Variants in CCDC3 observed in about 807,000 individuals in gnomAD.
CCDC3 encodes coiled-coil domain containing 3, also known as coiled-coil domain-containing protein 3.
CCDC3 carries 24 observed loss-of-function variants against 21.4 expected under a neutral mutation model. The ratio of observed to expected loss-of-function variants is 1.12; its 90% CI spans 0.81 to 1.58. CCDC3 has a LOEUF of 1.58. Ranked by LOEUF, CCDC3 falls within the 40% of genes most tolerant of loss-of-function variation. CCDC3 has a pLI of 0.00. For synonymous variants in CCDC3, 186 were observed against 166.0 expected, an observed-to-expected ratio of 1.12 and a Z score of -0.93; for missense variants, 425 against 360.9, an observed-to-expected ratio of 1.18 and a Z score of -1.44.
chr10:13,098,154 G>A (rs1452821825), intron 3 of CCDC3, among the ~76,000 whole-genome samples: 1 of 151,916 alleles, frequency 6.6e-6, no homozygotes, highest in African/African-American at 2.4e-5. Flanking sequence ...ACCACTGAGA[G>A]CAAGGAATCA....
At position 12,923,879 on chromosome 10, in the gene CCDC3, G is replaced by A. The variant is rs117510427; in HGVS notation, c.550-25200C>T. 2.3e-3 allele frequency among the ~76,000 whole-genome samples: 350 copies of A among 152,180 alleles called. 1 individual carries two copies. Among genetic ancestry groups the A allele is most frequent in the African/African-American group, 7.8e-3 (322 of 41,514 alleles). On this transcript the variant is annotated intron_variant, in intron 2 of 2. Coordinates refer to ENST00000378825, the MANE Select transcript of CCDC3 (RefSeq NM_031455.4). ...TGTCATGTGTATCTTTGCAAATATCGATAAGGACATCTGAACTCGACACTC... is the reference window on the plus strand; with the variant it reads ...TGTCATGTGTATCTTTGCAAATATCAATAAGGACATCTGAACTCGACACTC...
intron 5 of CCDC3, among the ~76,000 whole-genome samples, chr10:13,027,071 G>C (rs192812820): frequency 6.6e-6 from 1 of 152,238 alleles, no homozygotes; most frequent in East Asian, 1.9e-4. Flanking sequence ...CTTTGTAAAG[G>C]ACCTGTCAAC....
intron 2 of CCDC3, among the ~76,000 whole-genome samples, chr10:12,924,476 C>A (rs574664877): frequency 2.6e-5 from 4 of 152,222 alleles, no homozygotes; most frequent in Admixed American, 2.6e-4. Context: ...CAATATGTCA[C>A]GTTTCACTCA....
intron 3 of CCDC3, among the ~76,000 whole-genome samples, chr10:13,091,338 G>T (rs762856574): frequency 6.6e-6 from 1 of 152,136 alleles, no homozygotes; most frequent in African/African-American, 2.4e-5. Flanking sequence ...TGAGAGGAGA[G>T]CCCTCACAAA....
chr10:13,038,864 A>G (rs1400199289), intron 5 of CCDC3, among the ~76,000 whole-genome samples: 1 of 152,164 alleles, frequency 6.6e-6, no homozygotes, highest in Admixed American at 6.5e-5. Flanking sequence ...ATCCTGCAGC[A>G]CTTATGTCTC....
At chr10:12,934,807 TTATC>T (rs76632390) in intron 2 of CCDC3, among the ~76,000 whole-genome samples, 7,041 of 152,228 alleles carry the variant, frequency 0.046, 197 homozygotes, top group Non-Finnish European at 0.07. Flanking sequence ...CTGCGTCCCT[TTATC>T]TATTTGAGAC....
chr10:12,944,162 T>C (rs908010246), intron 2 of CCDC3, among the ~76,000 whole-genome samples: 20 of 152,172 alleles, frequency 1.3e-4, no homozygotes, highest in African/African-American at 3.6e-4. Context: ...CTTTGACATA[T>C]TCCAAAATGG....
At chr10:13,034,285 T>A (rs1193247411) in intron 5 of CCDC3, among the ~76,000 whole-genome samples, 1 of 130,836 alleles carries the variant, frequency 7.6e-6, no homozygotes, top group Non-Finnish European at 1.5e-5. Flanking sequence ...AGGTGGGAAT[T>A]GAACAATGAG....
At chr10:13,068,457 T>G (rs1168343223) in intron 4 of CCDC3, among the ~76,000 whole-genome samples, 1 of 152,208 alleles carries the variant, frequency 6.6e-6, no homozygotes, top group Non-Finnish European at 1.5e-5. Context: ...TCAGTTCACA[T>G]GACTTTAATC....
At chr10:13,069,997 T>C (rs2131438948) in intron 4 of CCDC3, among the ~76,000 whole-genome samples, 1 of 152,310 alleles carries the variant, frequency 6.6e-6, no homozygotes, top group Middle Eastern at 3.4e-3. Flanking sequence ...GATTGTGACA[T>C]TATTCCAAAG....
chr10:12,987,225 G>A (rs1482726459), intron 2 of CCDC3, among the ~76,000 whole-genome samples: 1 of 152,100 alleles, frequency 6.6e-6, no homozygotes, highest in Non-Finnish European at 1.5e-5. Context: ...TCTTTCATGT[G>A]GGTTAATTGT....
At chr10:13,018,740 G>A (rs956714537) in intron 5 of CCDC3, among the ~76,000 whole-genome samples, 2 of 151,228 alleles carry the variant, frequency 1.3e-5, no homozygotes, top group Admixed American at 1.3e-4. Context: ...AGACCAGCCT[G>A]GCCAATATGG....
intron 2 of CCDC3, among the ~76,000 whole-genome samples, chr10:12,915,682 G>C (rs558801004): frequency 4.6e-5 from 7 of 152,290 alleles, no homozygotes; most frequent in Non-Finnish European, 1.0e-4. Flanking sequence ...TCATGGGTGG[G>C]TTTGCTACTG....
intron 3 of CCDC3, among the ~76,000 whole-genome samples, chr10:13,080,319 G>A (rs1010933158): frequency 1.3e-5 from 2 of 152,216 alleles, no homozygotes; most frequent in African/African-American, 4.8e-5. Flanking sequence ...GAGAAATAGT[G>A]TAAAAGGAAG....
chr10:12,913,933 T>A (rs1445446254), intron 2 of CCDC3, among the ~76,000 whole-genome samples: 1 of 152,226 alleles, frequency 6.6e-6, no homozygotes, highest in Non-Finnish European at 1.5e-5. Context: ...GGGATAAATG[T>A]CATTTGATCA....
At chr10:12,962,199 C>G (rs1410833044) in intron 2 of CCDC3, among the ~76,000 whole-genome samples, 1 of 152,322 alleles carries the variant, frequency 6.6e-6, no homozygotes, top group East Asian at 1.9e-4. Context: ...CATAGACACC[C>G]TCCCTGAAAG....
At chr10:13,046,677 C>A (rs825425) in intron 5 of CCDC3, among the ~76,000 whole-genome samples, 21,332 of 148,446 alleles carry the variant, frequency 0.14, 2,040 homozygotes, top group African/African-American at 0.27. Context: ...ATTGCACTCC[C>A]GCCTGGGCAA....
chr10:13,074,302 C>A (rs913446949), intron 3 of CCDC3, among the ~76,000 whole-genome samples: 2 of 144,572 alleles, frequency 1.4e-5, no homozygotes, highest in African/African-American at 5.1e-5. Context: ...GGATTACAGG[C>A]ATGCACCACC....
At chr10:12,911,214 T>C (rs1013585332) in intron 2 of CCDC3, among the ~76,000 whole-genome samples, 2 of 152,126 alleles carry the variant, frequency 1.3e-5, no homozygotes, top group Non-Finnish European at 2.9e-5. Flanking sequence ...CCTGCTTCTC[T>C]TCAGTGCCTT....
Sources: allele counts gnomAD v4.1 joint callset (sites outside exome capture counted in the v4.1 genomes callset), GRCh38; gene constraint gnomAD v4.1.1; transcripts MANE v1.5; gene names NCBI Gene and HGNC (gene_info 2026-07-23, HGNC 2026-07-21).